The following HMGCS1 variants were observed in gnomAD, a reference collection of about 807,000 sequenced individuals.
HMGCS1 encodes hydroxymethylglutaryl-CoA synthase, cytoplasmic.
A neutral mutation model predicts 52.3 loss-of-function variants in HMGCS1; 9 were observed. That is an observed-to-expected ratio of 0.17 (90% confidence interval 0.10 to 0.30). HMGCS1 has a LOEUF of 0.30. HMGCS1 is among the 10% of genes least tolerant of loss of function. HMGCS1 has a pLI of 1.00. For synonymous variants in HMGCS1, 176 were observed against 214.4 expected (o/e 0.82, Z 1.57); for missense variants, 320 against 620.9 (o/e 0.52, Z 5.15).
intron 7 of HMGCS1, chr5:43,294,379 G>C (rs1478277714): frequency 1.4e-5 from 7 of 517,076 alleles, no homozygotes; most frequent in Non-Finnish European, 3.4e-6. Context: ...GGGAATGACA[G>C]AGCTTGTGAA....
intron 7 of HMGCS1, chr5:43,294,457 A>C (rs1437930655): frequency 4.0e-6 from 2 of 494,316 alleles, no homozygotes; most frequent in Non-Finnish European, 7.1e-6. Flanking sequence ...TCAAGAATTA[A>C]AAAACCATGA....
intron 7 of HMGCS1, chr5:43,294,392 T>A: frequency 1.9e-6 from 1 of 521,430 alleles, no homozygotes; most frequent in Non-Finnish European, 3.4e-6. Flanking sequence ...CTTGTGAAAG[T>A]CATGCCACAA....
intron 1 of HMGCS1, among the ~76,000 whole-genome samples, chr5:43,311,630 C>A (rs1274147419): frequency 6.6e-6 from 1 of 152,120 alleles, no homozygotes; most frequent in Non-Finnish European, 1.5e-5. Context: ...GATGTTACAA[C>A]AATATCGGGT....
Position 43,298,232 on chromosome 5 carries a change from C to T in HMGCS1, c.449-98G>A. 9.2e-7 allele frequency: 1 copy of T among 1,087,920 alleles called. No homozygotes were observed. Among genetic ancestry groups the T allele is most frequent in the South Asian group, 1.6e-5 (1 of 62,026 alleles). The allele number at this position is 1,087,920 out of a possible 1,614,324, so 67.4% of individuals were successfully genotyped here. On this transcript the variant is annotated intron_variant, in intron 3 of 10. Transcript: ENST00000325110. The surrounding 1 kb of genome is among the most constrained non-coding windows in gnomAD (Gnocchi z 5.6). ...TATATTTTCCCCAGAATATGCTTTT[C>T]CCTTCTTTGATAAAGAAAGAAAATG...
chr5:43,300,406 CTTGT>C (rs1004612731), intron 2 of HMGCS1, among the ~76,000 whole-genome samples: 15 of 152,288 alleles, frequency 9.8e-5, no homozygotes, highest in Admixed American at 9.2e-4. Context: ...TTCTGTATGA[CTTGT>C]TTGTCAACCC....
At chr5:43,308,109 T>C (rs1754668372) in intron 1 of HMGCS1, among the ~76,000 whole-genome samples, 1 of 152,006 alleles carries the variant, frequency 6.6e-6, no homozygotes, top group African/African-American at 2.4e-5. Flanking sequence ...CTCAAGGAAA[T>C]AAGAAGCCCA....
chr5:43,305,363 T>C (rs993170589), intron 2 of HMGCS1, among the ~76,000 whole-genome samples: 9 of 152,188 alleles, frequency 5.9e-5, no homozygotes, highest in African/African-American at 1.7e-4. Context: ...AGGCTAGATA[T>C]AGTTAGATAT....
intron 2 of HMGCS1, among the ~76,000 whole-genome samples, chr5:43,300,547 T>C (rs1170410647): frequency 6.6e-6 from 1 of 152,182 alleles, no homozygotes; most frequent in African/African-American, 2.4e-5. Flanking sequence ...CCTAGCACTC[T>C]GGGAGGCTGA....
rs1471931901 is a variant in HMGCS1 at position 43,307,837 on chromosome 5, A to C, written c.-69-13T>G. ...CCTCCTTCGGGCACTAGGAATTTCA[A>C]ACAAGAACTGCTTTTAAAGTTATAA... On this transcript the variant is annotated splice_polypyrimidine_tract_variant and intron_variant, in intron 1 of 10. Transcript: ENST00000325110. 2 of 152,246 alleles carry C rather than the reference A, an allele frequency of 1.3e-5. No homozygotes were observed. The highest frequency in any genetic ancestry group is 4.8e-5 in the African/African-American group (2 of 41,472). 9.4% of individuals were successfully genotyped at this position (152,246 alleles called of 1,614,324 possible). A position where few individuals can be genotyped will look rare whatever the true frequency, so the allele number is the denominator to read the frequency against.
intron 4 of HMGCS1, 55 bp from the exon 5 acceptor site, chr5:43,297,221 T>G: frequency 7.1e-7 from 1 of 1,406,100 alleles, no homozygotes; most frequent in Non-Finnish European, 9.9e-7. Context: ...GATGTCTGTA[T>G]GTTAATAAGT....
At chr5:43,303,148 G>A (rs1311176361) in intron 2 of HMGCS1, among the ~76,000 whole-genome samples, 3 of 152,158 alleles carry the variant, frequency 2.0e-5, no homozygotes, top group Non-Finnish European at 2.9e-5. Flanking sequence ...TAGATAGTAC[G>A]AAATATAGCA....
At chr5:43,312,297 T>C (rs764222263) in intron 1 of HMGCS1, among the ~76,000 whole-genome samples, 10 of 152,176 alleles carry the variant, frequency 6.6e-5, no homozygotes, top group Admixed American at 1.3e-4. Context: ...CCAGAACACA[T>C]CATCCTACTG....
intron 2 of HMGCS1, among the ~76,000 whole-genome samples, chr5:43,305,831 C>G (rs1360142949): frequency 6.8e-6 from 1 of 147,340 alleles, no homozygotes; most frequent in African/African-American, 2.5e-5. Context: ...AGATAAATCA[C>G]AAAAACTTTC....
intron 2 of HMGCS1, among the ~76,000 whole-genome samples, chr5:43,305,844 G>A (rs559761455): frequency 6.7e-6 from 1 of 149,388 alleles, no homozygotes. Flanking sequence ...AAACTTTCAA[G>A]TAGAACATAA....
At chr5:43,304,633 C>T (rs1754474535) in intron 2 of HMGCS1, among the ~76,000 whole-genome samples, 1 of 152,174 alleles carries the variant, frequency 6.6e-6, no homozygotes, top group Admixed American at 6.5e-5. Context: ...TCTATGACTC[C>T]TAAATGTCCT....
In HMGCS1 at chr5:43,291,221, C is replaced by T; in HGVS notation, c.1474-1G>A. The T allele has an allele frequency of 6.2e-7, 1 of 1,603,724 alleles. No individual in the cohort carries two copies. Among genetic ancestry groups the T allele is most frequent in the Non-Finnish European group, 8.5e-7 (1 of 1,170,772 alleles). On this transcript the variant is annotated splice_acceptor_variant, in intron 10 of 10. Transcript: ENST00000325110. LOFTEE classifies it high-confidence loss of function. ...CTTTCTTGGCAGGGCTTGGAATATGCTAAAATGAAAGGAAAAAAGTTGATG... is the reference window on the plus strand; with the variant it reads ...CTTTCTTGGCAGGGCTTGGAATATGTTAAAATGAAAGGAAAAAAGTTGATG...
intron 8 of HMGCS1, chr5:43,293,653 C>G (rs992191349): frequency 1.3e-5 from 2 of 152,262 alleles, no homozygotes; most frequent in African/African-American, 4.9e-5. Context: ...ATCTGTGGGA[C>G]AGATTCAGGT....
rs1370005973 is a variant in HMGCS1, at chr5:43,288,645, A to C, written c.*2486T>G. The C allele has an allele frequency of 2.0e-5, 3 of 152,010 alleles. No individual in the cohort carries two copies. Among genetic ancestry groups the C allele is most frequent in the African/African-American group, 7.3e-5 (3 of 41,314 alleles). The allele number at this position is 152,010 out of a possible 1,614,324, so 9.4% of individuals were successfully genotyped here. On this transcript the variant is annotated 3_prime_UTR_variant, in exon 11 of 11. Coordinates refer to ENST00000325110, the MANE Select transcript of HMGCS1 (RefSeq NM_001098272.3). ...ACACATTCCATAAAGGAGAGGGGGA[A>C]AGATTGAATTCTTAAAGCCATACTA...
rs375488662 is a variant in HMGCS1, at chr5:43,291,117, C to T, written c.*14G>A. ...GCCCACCCCACCCTGAAGTCTTGCA[C>T]CTCACAGAGTATCTTAATGTTCCCC... On this transcript the variant is annotated 3_prime_UTR_variant, in exon 11 of 11. Transcript: ENST00000325110. 2 of 1,251,242 alleles carry T rather than the reference C, an allele frequency of 1.6e-6. No homozygotes were observed. Among genetic ancestry groups the T allele is most frequent in the African/African-American group, 1.5e-5 (1 of 66,572 alleles). The allele number at this position is 1,251,242 out of a possible 1,614,324, so 77.5% of individuals were successfully genotyped here.
Sources: allele counts gnomAD v4.1 joint callset (sites outside exome capture counted in the v4.1 genomes callset), GRCh38; gene constraint gnomAD v4.1.1; non-coding constraint Gnocchi (gnomAD v3.1); transcripts MANE v1.5; gene names NCBI Gene and HGNC (gene_info 2026-07-23, HGNC 2026-07-21).